Variants in SPOCK1 observed in about 807,000 individuals in gnomAD.
SPOCK1 encodes the protein SPARC (osteonectin), cwcv and kazal like domains proteoglycan 1, also known as testican-1.
A neutral mutation model predicts 55.3 loss-of-function variants in SPOCK1; 23 were observed. The ratio of observed to expected loss-of-function variants is 0.42; its 90% confidence interval spans 0.30 to 0.59. The LOEUF is 0.59. SPOCK1 is among the 20% of genes least tolerant of loss of function. SPOCK1 has a pLI of 0.22. For missense variants in SPOCK1, 499 were observed against 552.5 expected (o/e 0.90, Z 0.97); for synonymous variants, 226 against 221.0 (o/e 1.02, Z -0.20).
At chr5:137,186,733 C>G (rs560113395) in intron 3 of SPOCK1, among the ~76,000 whole-genome samples, 2 of 152,338 alleles carry the variant, frequency 1.3e-5, no homozygotes, top group South Asian at 4.1e-4. Context: ...AAACGTCCAG[C>G]CTGGGAGGCA....
intron 3 of SPOCK1, among the ~76,000 whole-genome samples, chr5:137,160,616 T>TATATTATATA (rs1561631822): frequency 1.7e-5 from 1 of 58,982 alleles, no homozygotes; most frequent in Non-Finnish European, 2.8e-5. Context: ...TAATATATAA[T>TATATTATATA]ATATATTTTA....
intron 2 of SPOCK1, among the ~76,000 whole-genome samples, chr5:137,360,844 T>C (rs1257656966): frequency 6.6e-6 from 1 of 152,190 alleles, no homozygotes; most frequent in Admixed American, 6.5e-5. Flanking sequence ...ACTCAACACT[T>C]CAAGTGAATT....
At chr5:137,090,947 T>A (rs1205561847) in intron 5 of SPOCK1, among the ~76,000 whole-genome samples, 1 of 152,042 alleles carries the variant, frequency 6.6e-6, no homozygotes, top group African/African-American at 2.4e-5. Context: ...CCCATCTCTT[T>A]ACATACTAAT....
intron 5 of SPOCK1, 112 bp downstream of exon 5, chr5:137,112,323 G>T: frequency 7.3e-7 from 1 of 1,367,492 alleles, no homozygotes; most frequent in South Asian, 1.4e-5. Context: ...GCTTCTCAAG[G>T]GCAAGGCCTG....
intron 2 of SPOCK1, among the ~76,000 whole-genome samples, chr5:137,426,677 G>A (rs1308248489): frequency 1.3e-5 from 2 of 152,128 alleles, no homozygotes; most frequent in Non-Finnish European, 2.9e-5. Flanking sequence ...ACCTATGGGT[G>A]ACTGCCTAAA....
chr5:137,418,307 T>G (rs1387006269), intron 2 of SPOCK1, among the ~76,000 whole-genome samples: 2 of 152,126 alleles, frequency 1.3e-5, no homozygotes, highest in Admixed American at 1.3e-4. Flanking sequence ...TATAATCCTT[T>G]GGGTATATAC....
At chr5:137,438,311 T>C (rs963793008) in intron 2 of SPOCK1, among the ~76,000 whole-genome samples, 1 of 151,950 alleles carries the variant, frequency 6.6e-6, no homozygotes, top group Non-Finnish European at 1.5e-5. Flanking sequence ...TTTGGATTAA[T>C]ATAATGAAAG....
rs540123916 is a variant in SPOCK1, at chr5:137,106,622, C to A, written c.474+5813G>T. ...AGATGGTTTTCTATCCATCCCTGCA[C>A]CCTCTCTGCAAATCCAGGCCTCCCT... is the stretch of plus-strand genomic sequence containing the variant. On this transcript the variant is annotated intron_variant, in intron 5 of 10. Transcript: ENST00000394945. Among the ~76,000 whole-genome samples, 5 of 152,162 alleles carry A rather than the reference C, an allele frequency of 3.3e-5. No individual in the cohort carries two copies. In the East Asian group the frequency reaches 9.7e-4, roughly 29 times the overall value.
chr5:137,349,695 C>T (rs908951966), intron 2 of SPOCK1, among the ~76,000 whole-genome samples: 1 of 152,176 alleles, frequency 6.6e-6, no homozygotes, highest in African/African-American at 2.4e-5. Flanking sequence ...TTTGGCATTC[C>T]TTGACTTGTA....
At chr5:137,008,907 T>G (rs951735266) in intron 6 of SPOCK1, among the ~76,000 whole-genome samples, 1 of 152,186 alleles carries the variant, frequency 6.6e-6, no homozygotes, top group African/African-American at 2.4e-5. Context: ...AGAAGAATCA[T>G]ATTAATTTTA....
chr5:137,283,234 A>C (rs1178340925), intron 2 of SPOCK1, among the ~76,000 whole-genome samples: 1 of 152,130 alleles, frequency 6.6e-6, no homozygotes, highest in African/African-American at 2.4e-5. Flanking sequence ...CTGTGCCCTC[A>C]TGATCTTCCT....
chr5:137,115,354 C>A (rs189297659), intron 4 of SPOCK1, among the ~76,000 whole-genome samples: 1 of 151,784 alleles, frequency 6.6e-6, no homozygotes, highest in African/African-American at 2.4e-5. Context: ...CCAGTGTCAC[C>A]GAGAAATATG....
intron 2 of SPOCK1, among the ~76,000 whole-genome samples, chr5:137,328,590 C>G (rs927873876): frequency 1.3e-5 from 2 of 152,176 alleles, no homozygotes; most frequent in African/African-American, 4.8e-5. Flanking sequence ...CAGAACACAG[C>G]TCTAACAGCA....
chr5:137,324,083 T>C (rs946109501), intron 2 of SPOCK1, among the ~76,000 whole-genome samples: 9 of 151,222 alleles, frequency 6.0e-5, no homozygotes, highest in Admixed American at 5.2e-4. Context: ...CAAGTGTTCA[T>C]CTATGGATGA....
chr5:137,419,233 G>A (rs1202890958), intron 2 of SPOCK1, among the ~76,000 whole-genome samples: 1 of 152,152 alleles, frequency 6.6e-6, no homozygotes, highest in Non-Finnish European at 1.5e-5. Flanking sequence ...GTCAGGTAGG[G>A]TAATGCCTCC....
intron 3 of SPOCK1, among the ~76,000 whole-genome samples, chr5:137,171,832 A>G (rs1328635705): frequency 1.3e-5 from 2 of 152,168 alleles, no homozygotes; most frequent in Non-Finnish European, 2.9e-5. Context: ...AGAGGGCAAC[A>G]TCAGTATCCT....
At chr5:137,366,972 A>T (rs1352949511) in intron 2 of SPOCK1, among the ~76,000 whole-genome samples, 1 of 152,246 alleles carries the variant, frequency 6.6e-6, no homozygotes, top group Non-Finnish European at 1.5e-5. Context: ...GACTGCTTCA[A>T]TTGCTGAGCC....
chr5:137,426,812 G>A (rs1015015278), intron 2 of SPOCK1, among the ~76,000 whole-genome samples: 15 of 152,104 alleles, frequency 9.9e-5, no homozygotes, highest in African/African-American at 3.1e-4. Flanking sequence ...AGTCCTACCC[G>A]CACAACACCC....
chr5:137,371,973 C>G (rs951622008), intron 2 of SPOCK1, among the ~76,000 whole-genome samples: 1 of 152,174 alleles, frequency 6.6e-6, no homozygotes, highest in African/African-American at 2.4e-5. Flanking sequence ...GGCGGTCACA[C>G]TAAAAAGCAA....
Sources: allele counts gnomAD v4.1 joint callset (sites outside exome capture counted in the v4.1 genomes callset), GRCh38; gene constraint gnomAD v4.1.1; transcripts MANE v1.5; gene names NCBI Gene and HGNC (gene_info 2026-07-23, HGNC 2026-07-21).